Variants in ALKBH8 observed in about 807,000 individuals in gnomAD.
ALKBH8 encodes the protein alkB homolog 8, tRNA methyltransferase.
Under a neutral mutation model 59.8 loss-of-function variants are expected in ALKBH8, and 36 were observed. The observed-to-expected ratio is 0.60, with a 90% CI of 0.46 to 0.79. The LOEUF (loss-of-function observed/expected upper bound fraction) is 0.79. Among genes scored for constraint, ALKBH8 ranks in the 30% least tolerant of loss-of-function variants. ALKBH8 has a pLI of 0.00. For synonymous variants in ALKBH8, 276 were observed against 273.6 expected, an observed-to-expected ratio of 1.01 and a Z score of -0.09; for missense variants, 768 against 801.0, an observed-to-expected ratio of 0.96 and a Z score of 0.50.
At chr11:107,539,958 A>G (rs1056619001) in intron 7 of ALKBH8, among the ~76,000 whole-genome samples, 3 of 152,208 alleles carry the variant, frequency 2.0e-5, no homozygotes, top group Non-Finnish European at 4.4e-5. Flanking sequence ...TGAGAGGAGA[A>G]AAACTGCACA....
intron 1 of ALKBH8, chr11:107,563,605 C>T (rs1340124557): frequency 6.6e-6 from 1 of 152,132 alleles, no homozygotes; most frequent in East Asian, 1.9e-4. Context: ...ATATCTGAGG[C>T]CCTTCAAAGG....
At chr11:107,523,244 T>C (rs947130309) in intron 9 of ALKBH8, among the ~76,000 whole-genome samples, 6 of 152,090 alleles carry the variant, frequency 3.9e-5, no homozygotes, top group African/African-American at 7.2e-5. Flanking sequence ...AAAGAAAATA[T>C]GGTACATATA....
Position 107,502,980 on chromosome 11 carries a change from T to C in ALKBH8, c.*1678A>G, listed in dbSNP as rs1862240183. On this transcript the variant is annotated 3_prime_UTR_variant, in exon 12 of 12. Transcript: ENST00000428149. ...AATCCCACAGCTAATAAATGGCAGATCTAGAATTCAACTCTCAGGAAATCT... is the reference window on the plus strand; with the variant it reads ...AATCCCACAGCTAATAAATGGCAGACCTAGAATTCAACTCTCAGGAAATCT... 6.6e-6 allele frequency: 1 copy of C among 152,198 alleles called. No individual in the cohort carries two copies. The allele number at this position is 152,198 out of a possible 1,614,324, so 9.4% of individuals were successfully genotyped here.
intron 7 of ALKBH8, among the ~76,000 whole-genome samples, chr11:107,549,271 T>C (rs1864397799): frequency 6.6e-6 from 1 of 152,222 alleles, no homozygotes; most frequent in Non-Finnish European, 1.5e-5. Flanking sequence ...TGAATAAACA[T>C]GAACCTCTTA....
intron 6 of ALKBH8, among the ~76,000 whole-genome samples, chr11:107,550,734 C>T (rs1027892811): frequency 1.3e-5 from 2 of 152,132 alleles, no homozygotes; most frequent in African/African-American, 4.8e-5. Flanking sequence ...GTTAATAAAA[C>T]CCTTAAATTA....
At chr11:107,556,732 A>C in intron 3 of ALKBH8, 34 bp downstream of exon 3, 1 of 1,295,136 alleles carries the variant, frequency 7.7e-7, no homozygotes, top group East Asian at 2.8e-5. Flanking sequence ...CACCCAGAAG[A>C]ATCATTTTTT....
intron 7 of ALKBH8, among the ~76,000 whole-genome samples, chr11:107,543,473 A>G (rs1166990525): frequency 6.6e-6 from 1 of 152,238 alleles, no homozygotes; most frequent in East Asian, 1.9e-4. Flanking sequence ...ACCAACATCC[A>G]TTTAACCAAC....
chr11:107,530,947 C>T (rs1348571004), intron 8 of ALKBH8, among the ~76,000 whole-genome samples: 1 of 151,948 alleles, frequency 6.6e-6, no homozygotes, highest in African/African-American at 2.4e-5. Context: ...TTTGTATTTG[C>T]TGTAGTAATA....
intron 11 of ALKBH8, 22 bp downstream of exon 11, chr11:107,510,865 G>A: frequency 1.3e-6 from 2 of 1,548,696 alleles, no homozygotes; most frequent in Non-Finnish European, 1.7e-6. Context: ...AAGTTCTTAA[G>A]AGAAAGAAAG....
chr11:107,511,062 C>T (rs1278739889), intron 10 of ALKBH8, 26 bp from the exon 11 acceptor site: 7 of 1,549,996 alleles, frequency 4.5e-6, no homozygotes, highest in African/African-American at 1.4e-5. Flanking sequence ...AATTCCATAA[C>T]ATTTTGTTTA....
chr11:107,560,938 A>C, intron 1 of ALKBH8, 39 bp from the exon 2 acceptor site: 1 of 1,541,656 alleles, frequency 6.5e-7, no homozygotes. Flanking sequence ...CAACCTTAAG[A>C]GTCCTGAAGG....
chr11:107,522,560 A>T lies in ALKBH8; in HGVS notation c.1031-5T>A. On this transcript the variant is annotated splice_polypyrimidine_tract_variant and splice_region_variant and intron_variant, in intron 9 of 11. Transcript: ENST00000428149. Reference sequence around the variant, plus strand: ...TATCACAGACCAACGGGTAACCTTAATGAAAAAGCAATACACACCTTTCCT... The same window carrying T: ...TATCACAGACCAACGGGTAACCTTATTGAAAAAGCAATACACACCTTTCCT... The T allele has an allele frequency of 6.5e-7, 1 of 1,550,198 alleles. No individual in the cohort carries two copies. The highest frequency in any genetic ancestry group is 8.7e-7 in the Non-Finnish European group (1 of 1,146,596).
chr11:107,560,820 G>C lies in ALKBH8; in HGVS notation c.74C>G (p.Ala25Gly), dbSNP rs570223769. The C allele has an allele frequency of 6.2e-7, 1 of 1,613,160 alleles. No individual in the cohort carries two copies. Among genetic ancestry groups the C allele is most frequent in the Admixed American group, 1.7e-5 (1 of 59,960 alleles). The change falls in exon 2 of 12, where the codon GCC becomes GGC. Residue 25 changes from alanine (A) to glycine (G), a missense_variant. Ala to Gly is a moderately conservative substitution (Grantham distance 60, BLOSUM62 0). Coordinates refer to ENST00000428149, the MANE Select transcript of ALKBH8 (RefSeq NM_138775.3). ...EKKFLRKQIK[A>G]KHTLLRHEGI... ...TTCATGTCTCAGCAAAGTATGCTTG[G>C]CTTTAATCTGTTTCCTTAAGAACTT... is the stretch of plus-strand genomic sequence containing the variant.
intron 8 of ALKBH8, among the ~76,000 whole-genome samples, chr11:107,527,467 G>A (rs1310477431): frequency 6.6e-6 from 1 of 151,892 alleles, no homozygotes; most frequent in Non-Finnish European, 1.5e-5. Flanking sequence ...AAAACATAAT[G>A]TATTTCAATT....
At chr11:107,509,496 A>G (rs115990844) in intron 11 of ALKBH8, among the ~76,000 whole-genome samples, 2,699 of 152,070 alleles carry the variant, frequency 0.018, 92 homozygotes, top group African/African-American at 0.062. Flanking sequence ...ACAAGTTTTT[A>G]ATTTTGATGG....
At chr11:107,550,363 G>A (rs572903362) in intron 6 of ALKBH8, among the ~76,000 whole-genome samples, 23 of 152,366 alleles carry the variant, frequency 1.5e-4, no homozygotes, top group African/African-American at 5.5e-4. Flanking sequence ...CCAATGGAAA[G>A]ACAGCTAGGT....
chr11:107,558,873 A>G (rs1431798086), intron 2 of ALKBH8, among the ~76,000 whole-genome samples: 1 of 152,174 alleles, frequency 6.6e-6, no homozygotes, highest in African/African-American at 2.4e-5. Flanking sequence ...CTCTAGAAAA[A>G]TCTGTAATGC....
Position 107,505,095 on chromosome 11 carries a change from C to T in ALKBH8, c.1558G>A (p.Gly520Arg), listed in dbSNP as rs777499341. The change falls in exon 12 of 12, where the codon GGA becomes AGA. Residue 520 changes from glycine to arginine, a missense_variant. Physicochemically the swap from Gly to Arg is moderately radical, Grantham distance 125. Transcript: ENST00000428149. ...YNKQKSKYLR[G>R]NRNSQGKKEE... Reference sequence around the variant, plus strand: ...TTCTTTCCTTGGCTATTTCTGTTTCCTCTAAGATACTTGGACTTCTGCTTA... The same window carrying T: ...TTCTTTCCTTGGCTATTTCTGTTTCTTCTAAGATACTTGGACTTCTGCTTA... The T allele has an allele frequency of 6.4e-7, 1 of 1,551,428 alleles. No homozygotes were observed. Among genetic ancestry groups the T allele is most frequent in the Non-Finnish European group, 8.7e-7 (1 of 1,146,962 alleles).
chr11:107,504,518 C>A lies in ALKBH8; in HGVS notation c.*140G>T. 9.8e-7 allele frequency: 1 copy of A among 1,022,544 alleles called. No individual in the cohort carries two copies. Among genetic ancestry groups the A allele is most frequent in the Non-Finnish European group, 1.5e-6 (1 of 675,620 alleles). The allele number at this position is 1,022,544 out of a possible 1,614,324, so 63.3% of individuals were successfully genotyped here. Reference sequence around the variant, plus strand: ...GACATTTGAATGTCTCCTAATGAATCCCTACTTCCAAATTTTTCTCAGCTT... The same window carrying A: ...GACATTTGAATGTCTCCTAATGAATACCTACTTCCAAATTTTTCTCAGCTT... On this transcript the variant is annotated 3_prime_UTR_variant, in exon 12 of 12. Transcript: ENST00000428149.
Sources: allele counts gnomAD v4.1 joint callset (sites outside exome capture counted in the v4.1 genomes callset), GRCh38; gene constraint gnomAD v4.1.1; transcripts MANE v1.5; gene names NCBI Gene and HGNC (gene_info 2026-07-23, HGNC 2026-07-21).